Variants in NIPAL1 observed in about 807,000 individuals in gnomAD.
NIPAL1 encodes the protein magnesium transporter NIPA3.
NIPAL1 carries 35 observed loss-of-function variants against 37.7 expected under a neutral mutation model. The observed-to-expected ratio is 0.93, with a 90% CI of 0.71 to 1.23. The LOEUF (loss-of-function observed/expected upper bound fraction) is 1.23, where lower values mean the gene tolerates loss of function less well. Among genes scored for constraint, NIPAL1 ranks in the 50% most tolerant of loss-of-function variants. The probability of loss-of-function intolerance (pLI) is 0.00; values close to 1 mark genes in which losing one functional copy is unlikely to be tolerated. For synonymous variants in NIPAL1, 162 were observed against 183.0 expected, an observed-to-expected ratio of 0.89 and a Z score of 0.93; for missense variants, 412 against 473.9, an observed-to-expected ratio of 0.87 and a Z score of 1.21.
At chr4:48,022,947 C>G (rs187048401) in intron 1 of NIPAL1, among the ~76,000 whole-genome samples, 1 of 152,088 alleles carries the variant, frequency 6.6e-6, no homozygotes, top group African/African-American at 2.4e-5. Flanking sequence ...GTGATGACAC[C>G]ACTGCACTAC....
intron 1 of NIPAL1, among the ~76,000 whole-genome samples, chr4:48,017,966 A>T (rs182571442): frequency 1.3e-5 from 2 of 151,936 alleles, no homozygotes; most frequent in Non-Finnish European, 2.9e-5. Flanking sequence ...TTCCTTTTTA[A>T]CAAGTGAGCT....
Position 48,036,441 on chromosome 4 carries a change from G to A in NIPAL1, c.*269G>A. ...TGTCTCAGAATAATCTCCTTCTTCT[G>A]GTCACAGTATCTTTGTCTCTGCCAG... On this transcript the variant is annotated 3_prime_UTR_variant, in exon 6 of 6. Coordinates refer to ENST00000295461, the MANE Select transcript of NIPAL1 (RefSeq NM_207330.3). The A allele has an allele frequency of 2.6e-6, 1 of 381,442 alleles. No individual in the cohort carries two copies. The highest frequency in any genetic ancestry group is 4.7e-6 in the Non-Finnish European group (1 of 213,466). 23.6% of individuals were successfully genotyped at this position (381,442 alleles called of 1,614,324 possible).
chr4:48,020,185 A>G (rs1715542135), intron 1 of NIPAL1, among the ~76,000 whole-genome samples: 1 of 152,132 alleles, frequency 6.6e-6, no homozygotes, highest in African/African-American at 2.4e-5. Flanking sequence ...TGTTTCAGAG[A>G]GGGGTGAGAG....
intron 1 of NIPAL1, among the ~76,000 whole-genome samples, chr4:48,023,975 C>CTTT (rs11329586): frequency 2.8e-5 from 3 of 107,782 alleles, no homozygotes; most frequent in African/African-American, 3.3e-5. Context: ...CAGATTTCTT[C>CTTT]TTTTTTTTTT....
At position 48,036,229 on chromosome 4, in the gene NIPAL1, T is replaced by C. The variant is rs113992775; in HGVS notation, c.*57T>C. 6 of 1,467,914 alleles carry C rather than the reference T, an allele frequency of 4.1e-6. No homozygotes were observed. The highest frequency in any genetic ancestry group is 5.5e-6 in the Non-Finnish European group (6 of 1,093,506). 90.9% of individuals were successfully genotyped at this position (1,467,914 alleles called of 1,614,324 possible). A position where few individuals can be genotyped will look rare whatever the true frequency, so the allele number is the denominator to read the frequency against. Reference sequence around the variant, plus strand: ...TGAGACACACGAAGAGGAAAATGAATGCTTGCTTCTTGGAAGAACTGCTAG... The same window carrying C: ...TGAGACACACGAAGAGGAAAATGAACGCTTGCTTCTTGGAAGAACTGCTAG... On this transcript the variant is annotated 3_prime_UTR_variant, in exon 6 of 6. Transcript: ENST00000295461.
chr4:48,025,365 GTTTC>G (rs1379867746), intron 2 of NIPAL1, 31 bp downstream of exon 2: 2 of 1,599,784 alleles, frequency 1.3e-6, no homozygotes, highest in African/African-American at 2.7e-5. Context: ...ATGAATTTAA[GTTTC>G]TAACTGCAGA....
chr4:48,036,003 A>T lies in NIPAL1; in HGVS notation c.1064A>T (p.His355Leu). The T allele has an allele frequency of 1.2e-6, 2 of 1,613,476 alleles. No homozygotes were observed. The highest frequency in any genetic ancestry group is 1.7e-6 in the Non-Finnish European group (2 of 1,179,758). The change falls in exon 6 of 6, where the codon CAT (histidine) becomes CTT (leucine). Residue 355 changes from histidine (H) to leucine (L), a missense_variant. Transcript: ENST00000295461. ...ATTATCATTGGCATCTTCCTTCTAC[A>T]TGCTTTTAAAAATACTGACATTACT... ...FTIIIGIFLLHAFKNTDITWS... is the reference protein window; with the variant it reads ...FTIIIGIFLLLAFKNTDITWS...
At chr4:48,025,613 ATT>A (rs1464353221) in intron 2 of NIPAL1, among the ~76,000 whole-genome samples, 1 of 152,188 alleles carries the variant, frequency 6.6e-6, no homozygotes, top group Non-Finnish European at 1.5e-5. Context: ...GTAAATATCT[ATT>A]AGGTGCCAAA....
At position 48,030,097 on chromosome 4, in the gene NIPAL1, A is replaced by G. The variant is rs751594729; in HGVS notation, c.314-23A>G. ...TCCAGTGTAGAACCCATTTTTTGTTAATTTTTACTTTTTGTATTTTAGGAC... is the reference window on the plus strand; with the variant it reads ...TCCAGTGTAGAACCCATTTTTTGTTGATTTTTACTTTTTGTATTTTAGGAC... On this transcript the variant is annotated intron_variant, in intron 2 of 5. Transcript: ENST00000295461. 10 of 1,521,078 alleles carry G rather than the reference A, an allele frequency of 6.6e-6. No homozygotes were observed. The South Asian group carries it at 1.0e-4, about 15-fold the overall frequency. The allele number at this position is 1,521,078 out of a possible 1,614,324, so 94.2% of individuals were successfully genotyped here. A position where few individuals can be genotyped will look rare whatever the true frequency, so the allele number is the denominator to read the frequency against.
At chr4:48,028,435 T>G (rs577803086) in intron 2 of NIPAL1, among the ~76,000 whole-genome samples, 234 of 152,190 alleles carry the variant, frequency 1.5e-3, no homozygotes, top group African/African-American at 5.3e-3. Flanking sequence ...CAAGATGGAT[T>G]AAAAACTTAA....
intron 3 of NIPAL1, among the ~76,000 whole-genome samples, chr4:48,032,193 T>C (rs1715837347): frequency 6.6e-6 from 1 of 152,228 alleles, no homozygotes; most frequent in East Asian, 1.9e-4. Flanking sequence ...AAAATCATGC[T>C]GGTGTTCCTT....
chr4:48,026,641 G>A (rs1473987353), intron 2 of NIPAL1, among the ~76,000 whole-genome samples: 1 of 151,964 alleles, frequency 6.6e-6, no homozygotes, highest in African/African-American at 2.4e-5. Context: ...AAAATTAGAG[G>A]AGAAAAACAT....
At chr4:48,030,048 A>G in intron 2 of NIPAL1, 72 bp from the exon 3 acceptor site, 1 of 862,706 alleles carries the variant, frequency 1.2e-6, no homozygotes, top group Non-Finnish European at 2.0e-6. Context: ...TACGCTTCCT[A>G]GAAGTTAATT....
At chr4:48,026,271 A>G (rs1715685053) in intron 2 of NIPAL1, among the ~76,000 whole-genome samples, 1 of 152,222 alleles carries the variant, frequency 6.6e-6, no homozygotes, top group Non-Finnish European at 1.5e-5. Context: ...TAAGATGCTA[A>G]GTAGGTCTAC....
chr4:48,035,076 T>C (rs1160440382), intron 5 of NIPAL1, 35 bp downstream of exon 5: 2 of 1,561,156 alleles, frequency 1.3e-6, no homozygotes, highest in Non-Finnish European at 1.8e-6. Context: ...ACTCAAATTC[T>C]GCTCCACTTT....
chr4:48,025,335 G>C lies in NIPAL1; in HGVS notation c.313+1G>C. 2 of 1,612,918 alleles carry C rather than the reference G, an allele frequency of 1.2e-6. No individual in the cohort carries two copies. Among genetic ancestry groups the C allele is most frequent in the Non-Finnish European group, 1.7e-6 (2 of 1,179,576 alleles). The stretch of plus-strand genomic sequence containing the variant: ...GCCAGCAAGGGCTTTACTAGAGCTG[G>C]TAAGAAACACATGCAACTAATGAAT... On this transcript the variant is annotated splice_donor_variant, in intron 2 of 5. Coordinates refer to ENST00000295461, the MANE Select transcript of NIPAL1 (RefSeq NM_207330.3). LOFTEE classifies it high-confidence loss of function.
Position 48,038,801 on chromosome 4 carries a change from T to A in NIPAL1, c.*2629T>A, listed in dbSNP as rs1328882123. On this transcript the variant is annotated 3_prime_UTR_variant, in exon 6 of 6. Transcript: ENST00000295461. ...AATTTAAGTTTCAGACATTTCTTTG[T>A]GTCACCTTTTACAAGGTGTTTGCCC... The A allele has an allele frequency of 6.7e-6, 1 of 148,990 alleles. No homozygotes were observed. Among genetic ancestry groups the A allele is most frequent in the Non-Finnish European group, 1.5e-5 (1 of 66,190 alleles). The allele number at this position is 148,990 out of a possible 1,614,324, so 9.2% of individuals were successfully genotyped here.
rs200487407 is a variant in NIPAL1, at chr4:48,035,761, G to A, written c.822G>A (p.Pro274=). ...AATGGAAGCCAGTTTACAAACATCCGCTGGTCTTTGTTTTGCTGGCTGTAC... is the reference window on the plus strand; with the variant it reads ...AATGGAAGCCAGTTTACAAACATCCACTGGTCTTTGTTTTGCTGGCTGTAC... ...LIEWKPVYKH[P]LVFVLLAVLV... The change falls in exon 6 of 6, where the codon CCG becomes CCA. Residue 274 remains proline, a synonymous_variant. Transcript: ENST00000295461. 13 of 1,614,042 alleles carry A rather than the reference G, an allele frequency of 8.1e-6. No homozygotes were observed. The highest frequency in any genetic ancestry group is 6.7e-5 in the African/African-American group (5 of 74,934).
intron 1 of NIPAL1, among the ~76,000 whole-genome samples, chr4:48,019,510 CCT>C (rs1212761361): frequency 6.6e-6 from 1 of 152,172 alleles, no homozygotes; most frequent in African/African-American, 2.4e-5. Context: ...GCAGGAAAGG[CCT>C]CTCTGAGTTG....
Sources: allele counts gnomAD v4.1 joint callset (sites outside exome capture counted in the v4.1 genomes callset), GRCh38; gene constraint gnomAD v4.1.1; transcripts MANE v1.5; gene names NCBI Gene and HGNC (gene_info 2026-07-23, HGNC 2026-07-21).